ARRDC2: variants seen among roughly 807,000 people sequenced by gnomAD.
ARRDC2 encodes the protein arrestin domain-containing protein 2.
ARRDC2 carries 39 observed loss-of-function variants against 38.9 expected under a neutral mutation model. The ratio of observed to expected loss-of-function variants is 1.00; its 90% CI spans 0.78 to 1.31. ARRDC2 has a LOEUF of 1.31. ARRDC2 is among the 50% of genes most tolerant of loss of function. The pLI is 0.00. For synonymous variants in ARRDC2, 300 were observed against 261.9 expected, an observed-to-expected ratio of 1.15 and a Z score of -1.41; for missense variants, 553 against 588.4, an observed-to-expected ratio of 0.94 and a Z score of 0.62.
chr19:18,003,051 G>A (rs2033208542), intron 1 of ARRDC2, among the ~76,000 whole-genome samples: 1 of 151,258 alleles, frequency 6.6e-6, no homozygotes, highest in African/African-American at 2.4e-5. Flanking sequence ...AGTGAGCTGA[G>A]ATGGCACCAC....
intron 7 of ARRDC2, among the ~76,000 whole-genome samples, chr19:18,011,015 T>C (rs1032540521): frequency 6.6e-6 from 1 of 152,144 alleles, no homozygotes; most frequent in Non-Finnish European, 1.5e-5. Context: ...CTTTGCTTTT[T>C]GAGATGGAGT....
At chr19:18,004,980 G>A (rs2033243047), upstream of ARRDC2, among the ~76,000 whole-genome samples, 1 of 149,992 alleles carries the variant, frequency 6.7e-6, no homozygotes, top group African/African-American at 2.5e-5. Context: ...GTGAGATCCT[G>A]TCTCAAAAAA....
chr19:18,006,299 G>C (rs888004918), upstream of ARRDC2, among the ~76,000 whole-genome samples: 1 of 151,924 alleles, frequency 6.6e-6, no homozygotes, highest in Non-Finnish European at 1.5e-5. Flanking sequence ...AGGTTGTAGC[G>C]AGCCGAGATC....
In ARRDC2 at chr19:18,008,300, C is replaced by T. The variant is rs759584725; in HGVS notation, c.-11C>T. ...AGGTTCCGCCTGTCGTGGGTTCGCA[C>T]CCCGGACGCGATGCTATTCGACAAG... On this transcript the variant is annotated 5_prime_UTR_variant, in exon 1 of 8. Transcript: ENST00000222250. 9 of 1,590,994 alleles carry T rather than the reference C, an allele frequency of 5.7e-6. No individual in the cohort carries two copies. The highest frequency in any genetic ancestry group is 3.3e-5 in the South Asian group (3 of 90,534).
upstream of ARRDC2, among the ~76,000 whole-genome samples, chr19:18,005,903 TCTC>T (rs1471323687): frequency 7.0e-5 from 10 of 143,662 alleles, no homozygotes; most frequent in East Asian, 2.0e-3. Flanking sequence ...GCTCCTCACT[TCTC>T]AGACGGGGCG....
chr19:18,007,787 C>T (rs1384518113), upstream of ARRDC2: 1 of 195,266 alleles, frequency 5.1e-6, no homozygotes, highest in Non-Finnish European at 1.1e-5. Flanking sequence ...GGGCGAGAGT[C>T]CCCCGCCCCA....
intron 1 of ARRDC2, among the ~76,000 whole-genome samples, chr19:18,002,357 C>T (rs558605881): frequency 2.6e-5 from 4 of 152,312 alleles, no homozygotes; most frequent in East Asian, 1.9e-4. Flanking sequence ...TACTCTTCCC[C>T]GAACCTCAGT....
Position 18,010,048 on chromosome 19 carries a change from T to C in ARRDC2, c.849+9T>C, listed in dbSNP as rs1172081248. ...TGGACTACGCACTCAAGGTAGGGCA[T>C]CCTGCTGGCCCTGGGGGACAGTGCC... On this transcript the variant is annotated intron_variant, in intron 5 of 7. Coordinates refer to ENST00000222250, the MANE Select transcript of ARRDC2 (RefSeq NM_015683.2). The C allele has an allele frequency of 3.7e-6, 6 of 1,603,326 alleles. 1 individual carries two copies. Among genetic ancestry groups the C allele is most frequent in the Non-Finnish European group, 4.2e-6 (5 of 1,179,296 alleles).
upstream of ARRDC2, among the ~76,000 whole-genome samples, chr19:18,006,172 A>G (rs1164017966): frequency 6.7e-6 from 1 of 148,590 alleles, no homozygotes; most frequent in African/African-American, 2.5e-5. Context: ...GGCTCCTCAC[A>G]TCCCAGACGA....
At position 18,010,013 on chromosome 19, in the gene ARRDC2, G is replaced by A. The variant is rs776139673; in HGVS notation, c.823G>A (p.Val275Ile). The A allele has an allele frequency of 2.2e-5, 35 of 1,602,220 alleles. No individual in the cohort carries two copies. Among genetic ancestry groups the A allele is most frequent in the Middle Eastern group, 1.7e-4 (1 of 5,904 alleles). ...GGGTCCTTCCATCCTGCACTGCCGC[G>A]TTCTACACGTGGACTACGCACTCAA... ...PVGPSILHCR[V>I]LHVDYALKVC... Residue 275 changes from valine to isoleucine, a missense_variant, in exon 5 of 8, where the codon GTT becomes ATT. Around this residue, in one of 3 missense-constraint regions of ARRDC2, gnomAD observed 447 missense variants for 456.6 expected, o/e 0.98. Coordinates refer to ENST00000222250, the MANE Select transcript of ARRDC2 (RefSeq NM_015683.2).
upstream of ARRDC2, among the ~76,000 whole-genome samples, chr19:18,004,953 C>T (rs1194935606): frequency 1.3e-5 from 2 of 151,306 alleles, no homozygotes; most frequent in East Asian, 3.9e-4. Flanking sequence ...CCACTGCACT[C>T]CAGCCTGGGC....
At position 18,010,182 on chromosome 19, in the gene ARRDC2, G is replaced by T. The variant is rs764962906; in HGVS notation, c.850-14G>T. ...GGCTGCCTGGGCACCCTCCCTTATGGTTCCTTCCTCCAGGTCTGTGTGGAT... is the reference window on the plus strand; with the variant it reads ...GGCTGCCTGGGCACCCTCCCTTATGTTTCCTTCCTCCAGGTCTGTGTGGAT... On this transcript the variant is annotated splice_polypyrimidine_tract_variant and intron_variant, in intron 5 of 7. Transcript: ENST00000222250. 1 of 1,611,496 alleles carries T rather than the reference G, an allele frequency of 6.2e-7. No individual in the cohort carries two copies. Among genetic ancestry groups the T allele is most frequent in the Non-Finnish European group, 8.5e-7 (1 of 1,178,546 alleles).
chr19:18,006,502 G>A (rs1286926379), upstream of ARRDC2, among the ~76,000 whole-genome samples: 1 of 152,150 alleles, frequency 6.6e-6, no homozygotes, highest in Non-Finnish European at 1.5e-5. Context: ...GCCTGCAATC[G>A]CAGGCACTCG....
At chr19:18,002,645 G>A (rs2033202770) in intron 1 of ARRDC2, among the ~76,000 whole-genome samples, 1 of 152,208 alleles carries the variant, frequency 6.6e-6, no homozygotes, top group Non-Finnish European at 1.5e-5. Flanking sequence ...AGCCACAGGT[G>A]CGGGGGACCC....
At chr19:18,003,409 G>A (rs1357031605), upstream of ARRDC2, among the ~76,000 whole-genome samples, 1 of 151,714 alleles carries the variant, frequency 6.6e-6, no homozygotes, top group Non-Finnish European at 1.5e-5. Flanking sequence ...TGGGACTACA[G>A]GTGCCCGCCA....
At chr19:18,011,454 A>G (rs1212819143) in intron 7 of ARRDC2, among the ~76,000 whole-genome samples, 1 of 152,076 alleles carries the variant, frequency 6.6e-6, no homozygotes, top group East Asian at 1.9e-4. Flanking sequence ...TTAATTGTTG[A>G]CAGAATTTCG....
intron 7 of ARRDC2, among the ~76,000 whole-genome samples, chr19:18,011,511 T>G (rs2033411498): frequency 6.6e-6 from 1 of 152,138 alleles, no homozygotes; most frequent in African/African-American, 2.4e-5. Context: ...AATCTGCAGA[T>G]TCAACCAAAC....
Position 18,009,066 on chromosome 19 carries a change from G to A in ARRDC2, c.437G>A (p.Arg146Lys). The A allele has an allele frequency of 1.2e-6, 2 of 1,613,584 alleles. No individual in the cohort carries two copies. The highest frequency in any genetic ancestry group is 1.7e-6 in the Non-Finnish European group (2 of 1,179,992). Residue 146 changes from arginine (R) to lysine (K), a missense_variant, in exon 3 of 8, where the codon AGG becomes AAG. By Grantham distance (26) the Arg-to-Lys change is conservative (BLOSUM62 2). Around this residue, in one of 3 missense-constraint regions of ARRDC2, gnomAD observed 447 missense variants for 456.6 expected, o/e 0.98. Transcript: ENST00000222250. The stretch of plus-strand genomic sequence containing the variant: ...CCCTGGGTCCCAGCACGCCGGGCAA[G>A]GAAGGTGTTCACTGTCATCGAGCCT... ...HRPWVPARRA[R>K]KVFTVIEPVD...
At position 18,008,744 on chromosome 19, in the gene ARRDC2, G is replaced by A; in HGVS notation, c.308G>A (p.Arg103His). The change falls in exon 2 of 8, where the codon CGC becomes CAC. Residue 103 changes from arginine to histidine, a missense_variant. Physicochemically the swap from Arg to His is conservative, Grantham distance 29. This residue lies in a region of ARRDC2 where 447 missense variants were observed against 456.6 expected (regional missense o/e 0.98). Transcript: ENST00000222250. Reference protein sequence around the residue: ...TGETTTLPPGRHEFLFSFQLP... With the variant: ...TGETTTLPPGHHEFLFSFQLP... ...GAGACCACGACGCTGCCTCCTGGGCGCCATGAGTTCCTGTTCAGCTTCCAG... is the reference window on the plus strand; with the variant it reads ...GAGACCACGACGCTGCCTCCTGGGCACCATGAGTTCCTGTTCAGCTTCCAG... 1.2e-6 allele frequency: 2 copies of A among 1,613,526 alleles called. No individual in the cohort carries two copies. Among genetic ancestry groups the A allele is most frequent in the Non-Finnish European group, 1.7e-6 (2 of 1,180,012 alleles).
Sources: gnomAD v4.1 joint callset for allele counts (sites outside exome capture counted in the v4.1 genomes callset) on GRCh38, gnomAD v4.1.1 for gene constraint, gnomAD v4.1.1 regional missense constraint, MANE v1.5 for transcripts, NCBI Gene and HGNC (gene_info 2026-07-23, HGNC 2026-07-21) for gene names.